The following ABCA13 variants were observed in gnomAD, a reference collection of about 807,000 sequenced individuals.
The protein encoded by ABCA13 is ATP binding cassette subfamily A member 13.
ABCA13 carries 476 observed loss-of-function variants against 478.7 expected under a neutral mutation model. That is an observed-to-expected ratio of 0.99 (90% CI 0.92 to 1.07). The LOEUF (loss-of-function observed/expected upper bound fraction) is 1.07, where lower values mean the gene tolerates loss of function less well. Ranked by LOEUF, ABCA13 falls within the 50% of genes least tolerant of loss-of-function variation. The pLI is 0.00. For missense variants in ABCA13, 6,060 were observed against 5,910.6 expected, an observed-to-expected ratio of 1.03 and a Z score of -0.83; for synonymous variants, 2,252 against 2,158.9, an observed-to-expected ratio of 1.04 and a Z score of -1.20.
intron 20 of ABCA13, among the ~76,000 whole-genome samples, chr7:48,288,297 A>G (rs1348344770): frequency 2.8e-4 from 42 of 152,228 alleles, no homozygotes; most frequent in Non-Finnish European, 7.4e-5. Context: ...GAGTTGAGAG[A>G]TCGGATTGTT....
chr7:48,560,179 AAACT>A (rs1436578380), intron 55 of ABCA13, among the ~76,000 whole-genome samples: 1 of 152,182 alleles, frequency 6.6e-6, no homozygotes, highest in Admixed American at 6.5e-5. Context: ...AGGCTTGCTG[AAACT>A]CAGGTTCCAA....
chr7:48,317,265 A>G lies in ABCA13; in HGVS notation c.9968A>G (p.Asn3323Ser), dbSNP rs1220632782. The G allele has an allele frequency of 6.2e-7, 1 of 1,613,658 alleles. No homozygotes were observed. The highest frequency in any genetic ancestry group is 8.5e-7 in the Non-Finnish European group (1 of 1,179,836). ...ILHGKILYTP[N>S]TPEINKVIQK... Reference sequence around the variant, plus strand: ...CATGGAAAAATACTATACACACCAAACACTCCAGAAATTAACAAGGTCATT... The same window carrying G: ...CATGGAAAAATACTATACACACCAAGCACTCCAGAAATTAACAAGGTCATT... The change falls in exon 27 of 62, where the codon AAC becomes AGC. Residue 3323 changes from asparagine to serine, a missense_variant. Physicochemically the swap from Asn to Ser is conservative, Grantham distance 46. Coordinates refer to ENST00000435803, the MANE Select transcript of ABCA13 (RefSeq NM_152701.5).
intron 28 of ABCA13, among the ~76,000 whole-genome samples, chr7:48,337,569 T>C (rs906816779): frequency 4.6e-5 from 7 of 152,222 alleles, no homozygotes; most frequent in African/African-American, 1.7e-4. Context: ...GCTATTAGGT[T>C]ATGTGCTGGA....
intron 19 of ABCA13, among the ~76,000 whole-genome samples, 156 bp from the exon 20 acceptor site, chr7:48,287,804 C>T (rs1300044570): frequency 6.6e-6 from 1 of 152,186 alleles, no homozygotes; most frequent in Non-Finnish European, 1.5e-5. Flanking sequence ...TCAAAAGGCA[C>T]AGCTTTACCC....
At chr7:48,555,037 T>C (rs1303320610) in intron 55 of ABCA13, among the ~76,000 whole-genome samples, 1 of 151,698 alleles carries the variant, frequency 6.6e-6, no homozygotes, top group Admixed American at 6.6e-5. Context: ...GGGTTTTTAA[T>C]CATAAAGGGA....
chr7:48,239,061 C>CT (rs899482121), intron 8 of ABCA13, among the ~76,000 whole-genome samples, 180 bp from the exon 9 acceptor site: 27 of 148,228 alleles, frequency 1.8e-4, no homozygotes, highest in East Asian at 5.9e-4. Flanking sequence ...AAAAATATAA[C>CT]TTTTTTTTTT....
At chr7:48,379,970 G>A (rs796893370) in intron 35 of ABCA13, among the ~76,000 whole-genome samples, 2 of 152,252 alleles carry the variant, frequency 1.3e-5, no homozygotes, top group African/African-American at 2.4e-5. Context: ...CTTTAAAGAC[G>A]TTGGAGATCT....
At chr7:48,221,243 T>C (rs1171411706) in intron 4 of ABCA13, 38 bp from the exon 5 acceptor site, 1 of 1,039,196 alleles carries the variant, frequency 9.6e-7, no homozygotes, top group Non-Finnish European at 1.4e-6. Flanking sequence ...TTTTCATTGA[T>C]GATTGAACTA....
At chr7:48,204,313 G>A (rs1260874770) in intron 3 of ABCA13, among the ~76,000 whole-genome samples, 6 of 151,664 alleles carry the variant, frequency 4.0e-5, no homozygotes, top group African/African-American at 2.4e-5. Flanking sequence ...GGGTTCAAGC[G>A]ATTCTCCTGC....
At chr7:48,437,265 A>T (rs940938337) in intron 42 of ABCA13, among the ~76,000 whole-genome samples, 1 of 152,014 alleles carries the variant, frequency 6.6e-6, no homozygotes, top group Non-Finnish European at 1.5e-5. Context: ...TTAAAGGGTC[A>T]ACATAATGTT....
chr7:48,300,026 T>C (rs1019737387), intron 23 of ABCA13, among the ~76,000 whole-genome samples: 1 of 152,240 alleles, frequency 6.6e-6, no homozygotes, highest in African/African-American at 2.4e-5. Context: ...GTTAAGTATA[T>C]CCATAAATGC....
At position 48,410,567 on chromosome 7, in the gene ABCA13, C is replaced by G; in HGVS notation, c.12118C>G (p.Leu4040Val). Residue 4040 changes from leucine to valine, a missense_variant, in exon 40 of 62, where the codon CTG becomes GTG. Leu to Val is a conservative substitution (Grantham distance 32, BLOSUM62 1). Around this residue, in one of 3 missense-constraint regions of ABCA13, gnomAD observed 1,627 missense variants for 1,571.0 expected, o/e 1.04. Coordinates refer to ENST00000435803, the MANE Select transcript of ABCA13 (RefSeq NM_152701.5). ...TTHHLDEAEA[L>V]SDRVAVLQHG... Reference sequence around the variant, plus strand: ...CCACCACCTGGATGAAGCTGAAGCGCTGAGTGACCGCGTGGCCGTCCTCCA... The same window carrying G: ...CCACCACCTGGATGAAGCTGAAGCGGTGAGTGACCGCGTGGCCGTCCTCCA... 2 of 1,614,038 alleles carry G rather than the reference C, an allele frequency of 1.2e-6. No homozygotes were observed. Among genetic ancestry groups the G allele is most frequent in the Non-Finnish European group, 1.7e-6 (2 of 1,179,898 alleles).
At chr7:48,410,236 C>G (rs73694615) in intron 39 of ABCA13, among the ~76,000 whole-genome samples, 2,523 of 151,862 alleles carry the variant, frequency 0.017, 54 homozygotes, top group African/African-American at 0.057. Flanking sequence ...GGGCTGTGCA[C>G]AAGCACTCTG....
At chr7:48,631,700 A>G (rs190071721) in intron 59 of ABCA13, among the ~76,000 whole-genome samples, 10 of 152,026 alleles carry the variant, frequency 6.6e-5, no homozygotes, top group African/African-American at 1.7e-4. Context: ...TTTTAATTCT[A>G]TGAATAATGA....
chr7:48,360,987 T>C (rs2129003898), intron 31 of ABCA13, among the ~76,000 whole-genome samples: 2 of 151,620 alleles, frequency 1.3e-5, no homozygotes, highest in Middle Eastern at 6.8e-3. Flanking sequence ...TCCCAGCTAA[T>C]TGGGAGGGTG....
chr7:48,270,586 T>C (rs1303474096), intron 16 of ABCA13, among the ~76,000 whole-genome samples: 1 of 152,166 alleles, frequency 6.6e-6, no homozygotes, highest in Non-Finnish European at 1.5e-5. Flanking sequence ...AACTTTCCCT[T>C]TTCTGATGGG....
intron 47 of ABCA13, among the ~76,000 whole-genome samples, chr7:48,485,612 C>T (rs370329589): frequency 6.6e-6 from 1 of 152,192 alleles, no homozygotes; most frequent in Non-Finnish European, 1.5e-5. Context: ...TCAGGAGTTC[C>T]AGAACATTTT....
At position 48,542,399 on chromosome 7, in the gene ABCA13, A is replaced by T. The variant is rs528419105; in HGVS notation, c.14354+14054A>T. Among the ~76,000 whole-genome samples, 6 of 151,902 alleles carry T rather than the reference A, an allele frequency of 3.9e-5. No homozygotes were observed. The East Asian group carries it at 1.2e-3, about 29-fold the overall frequency. On this transcript the variant is annotated intron_variant, in intron 55 of 61. Transcript: ENST00000435803. ...ACATTATTATTTAGCATTTTCTGGA[A>T]TTTAAGTTCCTGCTATAAGACATAG...
At chr7:48,313,303 T>C in intron 25 of ABCA13, 72 bp downstream of exon 25, 1 of 1,450,040 alleles carries the variant, frequency 6.9e-7, no homozygotes, top group Non-Finnish European at 9.3e-7. Flanking sequence ...CCTTTTTGCC[T>C]TTATCTTCCC....
Sources: gnomAD v4.1 joint callset for allele counts (sites outside exome capture counted in the v4.1 genomes callset) on GRCh38, gnomAD v4.1.1 for gene constraint, gnomAD v4.1.1 regional missense constraint, MANE v1.5 for transcripts, NCBI Gene and HGNC (gene_info 2026-07-23, HGNC 2026-07-21) for gene names.